The following TRIM62 variants were observed in gnomAD, a reference collection of about 807,000 sequenced individuals.
TRIM62 encodes the protein tripartite motif containing 62, also known as E3 ubiquitin-protein ligase TRIM62.
A neutral mutation model predicts 44.2 loss-of-function variants in TRIM62; 39 were observed. That is an observed-to-expected ratio of 0.88 (90% CI 0.68 to 1.15). TRIM62 has a LOEUF of 1.15. TRIM62 is among the 50% of genes most tolerant of loss of function. The pLI is 0.00. For missense variants in TRIM62, 544 were observed against 665.5 expected, an observed-to-expected ratio of 0.82 and a Z score of 2.01; for synonymous variants, 278 against 292.3, an observed-to-expected ratio of 0.95 and a Z score of 0.50.
intron 4 of TRIM62, among the ~76,000 whole-genome samples, chr1:33,149,497 C>T (rs1019680962): frequency 1.3e-5 from 2 of 152,066 alleles, no homozygotes; most frequent in African/African-American, 2.4e-5. Flanking sequence ...CTCTGCCACC[C>T]AGGCTGGAGT....
Position 33,159,016 on chromosome 1 carries a change from T to TA in TRIM62, c.762-649_762-648insT, listed in dbSNP as rs1246944768. Among the ~76,000 whole-genome samples the TA allele has an allele frequency of 1.3e-5, 2 of 150,570 alleles. No homozygotes were observed. The highest frequency in any genetic ancestry group is 3.0e-5 in the Non-Finnish European group (2 of 67,538). On this transcript the variant is annotated intron_variant, in intron 3 of 4. Coordinates refer to ENST00000291416, the MANE Select transcript of TRIM62 (RefSeq NM_018207.3). This position sits in a 1 kb window ranked among gnomAD's most constrained non-coding sequence, Gnocchi z 4.2. Reference sequence around the variant, plus strand: ...CCACCACGCCCGGCTAATTTTTGTATTTTTTTTTAGTAGAGACGGGGTTTC... The same window carrying TA: ...CCACCACGCCCGGCTAATTTTTGTATATTTTTTTTAGTAGAGACGGGGTTTC...
chr1:33,174,930 C>T (rs1421622559), intron 1 of TRIM62, among the ~76,000 whole-genome samples: 6 of 114,562 alleles, frequency 5.2e-5, no homozygotes, highest in African/African-American at 2.2e-4. Context: ...CACACACACA[C>T]ATACATATAT....
chr1:33,164,173 C>T (rs1645306001), intron 2 of TRIM62: 1 of 152,276 alleles, frequency 6.6e-6, no homozygotes. Context: ...CCCGAGGGTC[C>T]TGCCCAGAGG....
At chr1:33,179,282 A>T (rs535686320) in intron 1 of TRIM62, among the ~76,000 whole-genome samples, 1 of 152,224 alleles carries the variant, frequency 6.6e-6, no homozygotes, top group Non-Finnish European at 1.5e-5. Flanking sequence ...TGGGGCCTTC[A>T]TCCTCAGACA....
intron 1 of TRIM62, among the ~76,000 whole-genome samples, chr1:33,168,839 G>A (rs1439994047): frequency 6.6e-6 from 1 of 152,134 alleles, no homozygotes; most frequent in Non-Finnish European, 1.5e-5. Flanking sequence ...TCTCCCCCTG[G>A]TGGCCCCCAT....
At chr1:33,164,589 T>C (rs1645310001) in intron 2 of TRIM62, 1 of 152,378 alleles carries the variant, frequency 6.6e-6, no homozygotes, top group Non-Finnish European at 1.5e-5. Flanking sequence ...AAAAGTCTGT[T>C]TGTTTGTTTG....
intron 3 of TRIM62, among the ~76,000 whole-genome samples, chr1:33,158,978 C>T (rs1203758822): frequency 6.6e-6 from 1 of 151,996 alleles, no homozygotes; most frequent in African/African-American, 2.4e-5. Context: ...ATAGCTGGGA[C>T]TACAGGTGCC....
At chr1:33,176,484 A>C in intron 1 of TRIM62, 1 of 688,386 alleles carries the variant, frequency 1.5e-6, no homozygotes, top group Non-Finnish European at 2.7e-6. Context: ...TCCAATGGTC[A>C]CATGAGGCCT....
In TRIM62 at chr1:33,161,507, G is replaced by A. The variant is rs908453941; in HGVS notation, c.505-1563C>T. Among the ~76,000 whole-genome samples the A allele has an allele frequency of 2.0e-5, 3 of 152,154 alleles. No individual in the cohort carries two copies. Among genetic ancestry groups the A allele is most frequent in the Admixed American group, 6.5e-5 (1 of 15,284 alleles). On this transcript the variant is annotated intron_variant, in intron 2 of 4. Transcript: ENST00000291416. This position sits in a 1 kb window ranked among gnomAD's most constrained non-coding sequence, Gnocchi z 4.3. ...AATTAGGGCCTGTTCCCTCCCCGAC[G>A]CGCGGCTGCTGGCCTGCAGGAAGAA...
intron 4 of TRIM62, among the ~76,000 whole-genome samples, chr1:33,152,200 G>A (rs1304193408): frequency 6.6e-6 from 1 of 152,234 alleles, no homozygotes; most frequent in Non-Finnish European, 1.5e-5. Flanking sequence ...AGAGGAAGCA[G>A]AGTTGGAACT....
chr1:33,181,753 G>C lies in TRIM62; in HGVS notation c.-321C>G. 3.0e-6 allele frequency: 1 copy of C among 338,804 alleles called. No homozygotes were observed. Among genetic ancestry groups the C allele is most frequent in the East Asian group, 7.4e-5 (1 of 13,448 alleles). The allele number at this position is 338,804 out of a possible 1,614,324, so 21.0% of individuals were successfully genotyped here. The stretch of plus-strand genomic sequence containing the variant: ...CGGGGAGGTTCTAGGGGGCGGGGCA[G>C]TCCTAAGGGATAGGAGCTGGGAGAA... On this transcript the variant is annotated 5_prime_UTR_variant, in exon 1 of 5. Coordinates refer to ENST00000291416, the MANE Select transcript of TRIM62 (RefSeq NM_018207.3). This position sits in a 1 kb window ranked among gnomAD's most constrained non-coding sequence, Gnocchi z 6.5.
chr1:33,146,756 G>C lies in TRIM62; in HGVS notation c.*421C>G. The stretch of plus-strand genomic sequence containing the variant: ...CCATCACTAGCTTGGTCAGGGGTAA[G>C]TCTTAGGCCATGGGACATAAGAGGG... On this transcript the variant is annotated 3_prime_UTR_variant, in exon 5 of 5. Transcript: ENST00000291416. 1 of 233,300 alleles carries C rather than the reference G, an allele frequency of 4.3e-6. No individual in the cohort carries two copies. Among genetic ancestry groups the C allele is most frequent in the East Asian group, 1.0e-4 (1 of 9,528 alleles). 14.5% of individuals were successfully genotyped at this position (233,300 alleles called of 1,614,324 possible).
intron 1 of TRIM62, among the ~76,000 whole-genome samples, chr1:33,180,121 T>G (rs568379909): frequency 6.6e-6 from 1 of 152,130 alleles, no homozygotes; most frequent in African/African-American, 2.4e-5. Flanking sequence ...GGAGACCGAT[T>G]AGAGTTCTAT....
At position 33,145,965 on chromosome 1, in the gene TRIM62, G is replaced by T. The variant is rs1389995960; in HGVS notation, c.*1212C>A. On this transcript the variant is annotated 3_prime_UTR_variant, in exon 5 of 5. Transcript: ENST00000291416. ...AAAAATTTAGATTTGGGAACTGAGT[G>T]AAGTGGGAGAGGGGCAGGCCTCAGG... 2.1e-6 allele frequency: 1 copy of T among 470,014 alleles called. No individual in the cohort carries two copies. Among genetic ancestry groups the T allele is most frequent in the African/African-American group, 2.0e-5 (1 of 50,206 alleles). 29.1% of individuals were successfully genotyped at this position (470,014 alleles called of 1,614,324 possible). A position where few individuals can be genotyped will look rare whatever the true frequency, so the allele number is the denominator to read the frequency against.
Position 33,159,907 on chromosome 1 carries a change from G to T in TRIM62, c.542C>A (p.Ala181Asp). The change falls in exon 3 of 5, where the codon GCC becomes GAC. Residue 181 changes from alanine to aspartate, a missense_variant. Physicochemically the swap from Ala to Asp is moderately radical, Grantham distance 126 (BLOSUM62 -2). Transcript: ENST00000291416. This position sits in a 1 kb window ranked among gnomAD's most constrained non-coding sequence, Gnocchi z 4.2. ...CAGCAGCCGGTGCAGCCGCTCGAAG[G>T]CCTCGCCGATAGTGGTCCGCAGGCT... ...TKSLRTTIGE[A>D]FERLHRLLRE... is the part of the protein sequence containing the mutation. 6.2e-7 allele frequency: 1 copy of T among 1,608,768 alleles called. No homozygotes were observed. The highest frequency in any genetic ancestry group is 2.2e-5 in the East Asian group (1 of 44,876).
chr1:33,177,244 A>T lies in TRIM62; in HGVS notation c.408+3781T>A, dbSNP rs1007377808. On this transcript the variant is annotated intron_variant, in intron 1 of 4. Transcript: ENST00000291416. The surrounding 1 kb of genome is among the most constrained non-coding windows in gnomAD (Gnocchi z 4.1). ...GGGGACTTTAACTTTTACATTATACAGCTCTGCTTCTTATGTTAATTTTAT... is the reference window on the plus strand; with the variant it reads ...GGGGACTTTAACTTTTACATTATACTGCTCTGCTTCTTATGTTAATTTTAT... 6.6e-6 allele frequency among the ~76,000 whole-genome samples: 1 copy of T among 152,212 alleles called. No individual in the cohort carries two copies. The highest frequency in any genetic ancestry group is 1.5e-5 in the Non-Finnish European group (1 of 68,032).
chr1:33,169,235 C>G (rs1005735133), intron 1 of TRIM62, among the ~76,000 whole-genome samples: 1 of 152,112 alleles, frequency 6.6e-6, no homozygotes, highest in African/African-American at 2.4e-5. Flanking sequence ...TTGCTCCTCT[C>G]CCCATATTCC....
chr1:33,168,397 T>TA (rs397801358), intron 1 of TRIM62, among the ~76,000 whole-genome samples: 10 of 151,858 alleles, frequency 6.6e-5, no homozygotes, highest in Non-Finnish European at 1.2e-4. Flanking sequence ...CTTTTTTTTT[T>TA]AAATCCCCAA....
chr1:33,174,019 A>AT (rs1052510743), intron 1 of TRIM62, among the ~76,000 whole-genome samples: 10 of 151,808 alleles, frequency 6.6e-5, no homozygotes, highest in African/African-American at 2.4e-4. Context: ...TTTAAAAAAA[A>AT]TTTTATTGAG....
Sources: allele counts gnomAD v4.1 joint callset (sites outside exome capture counted in the v4.1 genomes callset), GRCh38; gene constraint gnomAD v4.1.1; non-coding constraint Gnocchi (gnomAD v3.1); transcripts MANE v1.5; gene names NCBI Gene and HGNC (gene_info 2026-07-23, HGNC 2026-07-21).